The following TMEM91 variants were observed in gnomAD, a reference collection of about 807,000 sequenced individuals.
The protein encoded by TMEM91 is transmembrane protein 91, also known as dispanin subfamily C member 3.
Under a neutral mutation model 13.3 loss-of-function variants are expected in TMEM91, and 6 were observed. That is an observed-to-expected ratio of 0.45 (90% CI 0.25 to 0.89). TMEM91 has a LOEUF of 0.89. TMEM91 is among the 40% of genes least tolerant of loss of function. The pLI is 0.19. For synonymous variants in TMEM91, 87 were observed against 101.7 expected (o/e 0.86, Z 0.87); for missense variants, 193 against 228.7 (o/e 0.84, Z 1.01).
chr19:41,373,819 G>C (rs1013316544), upstream of TMEM91, among the ~76,000 whole-genome samples: 4 of 150,844 alleles, frequency 2.7e-5, no homozygotes, highest in African/African-American at 9.8e-5. Flanking sequence ...AGGAGATGGA[G>C]GTTGCAGTGA....
chr19:41,380,377 C>G (rs1275500838), intron 2 of TMEM91, among the ~76,000 whole-genome samples: 1 of 152,164 alleles, frequency 6.6e-6, no homozygotes, highest in Non-Finnish European at 1.5e-5. Flanking sequence ...TGACTTCCAC[C>G]ACATTCTATT....
intron 1 of TMEM91, among the ~76,000 whole-genome samples, chr19:41,369,924 C>T (rs1408565661): frequency 6.6e-6 from 1 of 152,068 alleles, no homozygotes; most frequent in Non-Finnish European, 1.5e-5. Flanking sequence ...TTACATTGTG[C>T]AACCAATCTC....
intron 2 of TMEM91, among the ~76,000 whole-genome samples, chr19:41,381,024 G>A (rs1380456917): frequency 7.5e-6 from 1 of 134,004 alleles, no homozygotes; most frequent in East Asian, 2.3e-4. Flanking sequence ...GATGGAGGTT[G>A]CAGTGAGCTG....
chr19:41,378,052 AAGAG>A (rs1232266673), intron 1 of TMEM91, among the ~76,000 whole-genome samples: 39 of 150,094 alleles, frequency 2.6e-4, no homozygotes, highest in South Asian at 8.4e-4. Context: ...AAAAAAAAAA[AAGAG>A]AGAGAGAGAG....
At chr19:41,365,234 C>T (rs2038497652) in intron 1 of TMEM91, among the ~76,000 whole-genome samples, 1 of 151,950 alleles carries the variant, frequency 6.6e-6, no homozygotes, top group African/African-American at 2.4e-5. Context: ...CGCGGTGGCT[C>T]ATAACTGTAA....
chr19:41,375,495 G>C (rs1347512034), upstream of TMEM91, among the ~76,000 whole-genome samples: 2 of 150,874 alleles, frequency 1.3e-5, no homozygotes, highest in African/African-American at 4.9e-5. Context: ...AGCCAGGATG[G>C]TCTGGATCTC....
At chr19:41,370,716 T>A (rs1241980037) in intron 1 of TMEM91, among the ~76,000 whole-genome samples, 1 of 150,610 alleles carries the variant, frequency 6.6e-6, no homozygotes, top group Non-Finnish European at 1.5e-5. Flanking sequence ...CCTATTTATT[T>A]TTTTGAGAGG....
intron 2 of TMEM91, among the ~76,000 whole-genome samples, chr19:41,382,394 C>T (rs563130185): frequency 4.6e-5 from 7 of 152,062 alleles, no homozygotes; most frequent in East Asian, 3.9e-4. Flanking sequence ...GAGGCCAAGA[C>T]GGGTGGATCA....
intron 1 of TMEM91, among the ~76,000 whole-genome samples, chr19:41,371,329 C>CCTTG (rs2038614788): frequency 6.9e-6 from 1 of 144,228 alleles, no homozygotes; most frequent in Non-Finnish European, 1.5e-5. Flanking sequence ...TTCCTTCCTT[C>CCTTG]CTTCCTTCCT....
chr19:41,365,033 G>C (rs2038492513), intron 1 of TMEM91, among the ~76,000 whole-genome samples: 1 of 151,560 alleles, frequency 6.6e-6, no homozygotes, highest in African/African-American at 2.4e-5. Context: ...GCACCACCAC[G>C]GCTGGCTAAT....
upstream of TMEM91, among the ~76,000 whole-genome samples, chr19:41,375,830 A>T (rs571991636): frequency 5.4e-4 from 82 of 151,586 alleles, no homozygotes; most frequent in South Asian, 2.5e-3. Context: ...ATAATAATAA[A>T]AAAAAAATCT....
intron 1 of TMEM91, among the ~76,000 whole-genome samples, chr19:41,368,602 G>T (rs1158977597): frequency 6.6e-6 from 1 of 151,612 alleles, no homozygotes; most frequent in African/African-American, 2.4e-5. Context: ...TAGAGACGGG[G>T]TTTCACCATG....
intron 2 of TMEM91, 117 bp from the exon 3 acceptor site, chr19:41,382,655 T>C (rs2123207768): frequency 7.2e-7 from 1 of 1,392,478 alleles, no homozygotes; most frequent in Non-Finnish European, 9.7e-7. Flanking sequence ...TTTTTTCTCT[T>C]TGTATCTCTG....
intron 2 of TMEM91, among the ~76,000 whole-genome samples, chr19:41,380,913 CAA>C (rs35462984): frequency 0.52 from 34,649 of 66,834 alleles, 7,546 homozygotes; most frequent in Middle Eastern, 0.6. Context: ...AACTCTGTCT[CAA>C]AAAAAAAAAA....
Position 41,378,399 on chromosome 19 carries a change from G to A in TMEM91, c.90G>A (p.Glu30=). The A allele has an allele frequency of 1.2e-6, 2 of 1,614,230 alleles. No homozygotes were observed. The highest frequency in any genetic ancestry group is 1.1e-5 in the South Asian group (1 of 91,090). ...ETPAQKPGRH[E]LGSPLREIAF... Reference sequence around the variant, plus strand: ...CTGCCCAGAAGCCTGGCAGGCATGAGCTGGGGTCCCCCTTAAGAGAGATAG... The same window carrying A: ...CTGCCCAGAAGCCTGGCAGGCATGAACTGGGGTCCCCCTTAAGAGAGATAG... Residue 30 remains glutamate, a synonymous_variant, in exon 2 of 4, where the codon GAG becomes GAA. Coordinates refer to ENST00000392002, the MANE Select transcript of TMEM91 (RefSeq NM_001098821.2).
chr19:41,383,958 GGCT>G lies in TMEM91; in HGVS notation c.*88_*90del. 6.5e-7 allele frequency: 1 copy of G among 1,534,758 alleles called. No homozygotes were observed. The highest frequency in any genetic ancestry group is 8.7e-7 in the Non-Finnish European group (1 of 1,148,096). Reference sequence around the variant, plus strand: ...GAGAGTGGAGAATCTTGGTGGATGAGGCTGCGGCGGCGGCAGGAGCATCTAGAA... The same window carrying G: ...GAGAGTGGAGAATCTTGGTGGATGAGGCGGCGGCGGCAGGAGCATCTAGAA... On this transcript the variant is annotated 3_prime_UTR_variant, in exon 4 of 4. Coordinates refer to ENST00000392002, the MANE Select transcript of TMEM91 (RefSeq NM_001098821.2).
intron 1 of TMEM91, among the ~76,000 whole-genome samples, chr19:41,368,282 T>C (rs189763304): frequency 6.6e-6 from 1 of 151,430 alleles, no homozygotes; most frequent in East Asian, 1.9e-4. Context: ...CAGGGCATGG[T>C]GACACATGTC....
chr19:41,373,904 C>T (rs1457171461), upstream of TMEM91: 1 of 151,668 alleles, frequency 6.6e-6, no homozygotes, highest in Non-Finnish European at 1.5e-5. Flanking sequence ...TTTCGAACTC[C>T]TAGGCTCAAG....
intron 3 of TMEM91, 26 bp from the exon 4 acceptor site, chr19:41,383,689 G>A: frequency 6.2e-7 from 1 of 1,613,740 alleles, no homozygotes; most frequent in Non-Finnish European, 8.5e-7. Flanking sequence ...GGATGCCTGG[G>A]TCACTGCTGC....
Sources: gnomAD v4.1 joint callset for allele counts (sites outside exome capture counted in the v4.1 genomes callset) on GRCh38, gnomAD v4.1.1 for gene constraint, MANE v1.5 for transcripts, NCBI Gene and HGNC (gene_info 2026-07-23, HGNC 2026-07-21) for gene names.